RFX3: variants seen among roughly 807,000 people sequenced by gnomAD.
The protein encoded by RFX3 is regulatory factor X3, also known as transcription factor RFX3.
In RFX3, 14 loss-of-function variants were observed where a neutral mutation model predicts 98.6. That is an observed-to-expected ratio of 0.14 (90% CI 0.09 to 0.22). RFX3 has a LOEUF of 0.22. RFX3 is among the 10% of genes least tolerant of loss of function. RFX3 has a pLI of 1.00. For missense variants in RFX3, 639 were observed against 926.9 expected, an observed-to-expected ratio of 0.69 and a Z score of 4.03; for synonymous variants, 383 against 328.4, an observed-to-expected ratio of 1.17 and a Z score of -1.80.
intron 2 of RFX3, among the ~76,000 whole-genome samples, chr9:3,355,461 AAG>A: frequency 6.6e-6 from 1 of 152,052 alleles, no homozygotes; most frequent in East Asian, 1.9e-4. Context: ...ACCAGAGAAA[AAG>A]AGAAATATTT....
At chr9:3,524,287 T>C (rs989734457) in intron 1 of RFX3, among the ~76,000 whole-genome samples, 3 of 152,222 alleles carry the variant, frequency 2.0e-5, no homozygotes, top group Middle Eastern at 3.4e-3. Flanking sequence ...AAGAACCTAC[T>C]ATATAAGGAC....
At chr9:3,330,591 G>C (rs1832476727) in intron 3 of RFX3, 74 bp from the exon 4 acceptor site, 3 of 1,377,146 alleles carry the variant, frequency 2.2e-6, no homozygotes, top group African/African-American at 1.5e-5. Flanking sequence ...TAATATGAAT[G>C]TAATTGAAAT....
rs1554681245 is a variant in RFX3 at position 3,366,699 on chromosome 9, T to TTTCTTTC, written c.118-19942_118-19936dup. Among the ~76,000 whole-genome samples the TTTCTTTC allele has an allele frequency of 3.7e-4, 36 of 98,512 alleles. 1 individual carries two copies. Among genetic ancestry groups the TTTCTTTC allele is most frequent in the Middle Eastern group, 4.2e-3 (1 of 236 alleles). The allele number at this position is 98,512 out of a possible 152,430, so 64.6% of individuals were successfully genotyped here. A position where few individuals can be genotyped will look rare whatever the true frequency, so the allele number is the denominator to read the frequency against. On this transcript the variant is annotated intron_variant, in intron 2 of 16. Coordinates refer to ENST00000617270, the MANE Select transcript of RFX3 (RefSeq NM_001282116.2). Reference sequence around the variant, plus strand: ...CTTTCTTTCTTCTTTCTTTCCTTTCTTTCTTTCTTTCTTTCTTTCTTTCTT... The same window carrying TTTCTTTC: ...CTTTCTTTCTTCTTTCTTTCCTTTCTTTCTTTCTTCTTTCTTTCTTTCTTTCTTTCTT...
At chr9:3,348,036 T>G (rs1450626017) in intron 2 of RFX3, among the ~76,000 whole-genome samples, 1 of 152,166 alleles carries the variant, frequency 6.6e-6, no homozygotes, top group African/African-American at 2.4e-5. Context: ...CAAAGTAAGA[T>G]CCAAACATGG....
At chr9:3,380,923 A>G (rs968649293) in intron 2 of RFX3, among the ~76,000 whole-genome samples, 1 of 152,128 alleles carries the variant, frequency 6.6e-6, no homozygotes, top group African/African-American at 2.4e-5. Flanking sequence ...GCTTCTCTAG[A>G]TCACTTTTTT....
chr9:3,409,433 G>A (rs1397870275), intron 1 of RFX3, among the ~76,000 whole-genome samples: 1 of 152,082 alleles, frequency 6.6e-6, no homozygotes, highest in South Asian at 2.1e-4. Context: ...ATTCTACTGC[G>A]AAATATCAGG....
At chr9:3,336,962 A>C (rs1475712137) in intron 3 of RFX3, among the ~76,000 whole-genome samples, 1 of 152,200 alleles carries the variant, frequency 6.6e-6, no homozygotes, top group African/African-American at 2.4e-5. Flanking sequence ...CAGAGTATGA[A>C]ATGTACGCCT....
At chr9:3,370,050 C>T (rs1249910121) in intron 2 of RFX3, among the ~76,000 whole-genome samples, 1 of 146,236 alleles carries the variant, frequency 6.8e-6, no homozygotes, top group African/African-American at 2.6e-5. Context: ...CCCGTGTTAG[C>T]CAGGATGGTC....
chr9:3,519,336 T>C (rs1443955904), intron 1 of RFX3, among the ~76,000 whole-genome samples: 5 of 152,182 alleles, frequency 3.3e-5, no homozygotes, highest in African/African-American at 7.2e-5. Context: ...GCCTTATTTT[T>C]TAAAGTGGAG....
chr9:3,344,309 G>A (rs971641206), intron 3 of RFX3, among the ~76,000 whole-genome samples: 29 of 152,048 alleles, frequency 1.9e-4, no homozygotes, highest in Admixed American at 8.5e-4. Flanking sequence ...GCAGTGTTTC[G>A]AATTTTTTAT....
chr9:3,461,178 T>A (rs1282430285), intron 1 of RFX3, among the ~76,000 whole-genome samples: 1 of 151,710 alleles, frequency 6.6e-6, no homozygotes, highest in Non-Finnish European at 1.5e-5. Context: ...AGGTTAAAAT[T>A]CTAATATTTT....
intron 1 of RFX3, among the ~76,000 whole-genome samples, chr9:3,450,258 G>A (rs1451905209): frequency 6.6e-6 from 1 of 152,142 alleles, no homozygotes; most frequent in Non-Finnish European, 1.5e-5. Context: ...AAATACCTCA[G>A]ATTAAGAAAA....
chr9:3,417,000 A>G (rs1843041152), intron 1 of RFX3, among the ~76,000 whole-genome samples: 1 of 152,064 alleles, frequency 6.6e-6, no homozygotes, highest in Non-Finnish European at 1.5e-5. Context: ...TGCACTTTAA[A>G]TATGACACAG....
intron 1 of RFX3, among the ~76,000 whole-genome samples, chr9:3,491,338 C>T (rs1006548133): frequency 3.3e-5 from 5 of 152,026 alleles, no homozygotes; most frequent in South Asian, 4.2e-4. Flanking sequence ...CTTGGATTCT[C>T]GAAAAGAATT....
intron 9 of RFX3, among the ~76,000 whole-genome samples, chr9:3,274,790 T>C (rs555446832): frequency 7.2e-4 from 110 of 152,162 alleles, no homozygotes; most frequent in African/African-American, 2.6e-3. Flanking sequence ...CCAGTTTCCT[T>C]CACAAAGGCA....
At chr9:3,340,920 T>G (rs1049812290) in intron 3 of RFX3, among the ~76,000 whole-genome samples, 1 of 152,134 alleles carries the variant, frequency 6.6e-6, no homozygotes, top group Non-Finnish European at 1.5e-5. Flanking sequence ...ACCCAAAGGA[T>G]TATAAATCAT....
intron 1 of RFX3, among the ~76,000 whole-genome samples, chr9:3,401,192 G>A (rs1841443618): frequency 6.6e-6 from 1 of 152,180 alleles, no homozygotes; most frequent in Non-Finnish European, 1.5e-5. Context: ...CATTTTTAGT[G>A]ATTAATTCTG....
chr9:3,489,366 C>T (rs1273552521), intron 1 of RFX3: 2 of 950,974 alleles, frequency 2.1e-6, no homozygotes, highest in East Asian at 1.2e-4. Flanking sequence ...CTGCTTTTTT[C>T]ACCTTTCTGA....
chr9:3,383,829 A>T (rs917445398), intron 2 of RFX3, among the ~76,000 whole-genome samples: 1 of 152,168 alleles, frequency 6.6e-6, no homozygotes, highest in Non-Finnish European at 1.5e-5. Context: ...AACCTGATAA[A>T]TTCTAGAAGA....
Sources: gnomAD v4.1 joint callset for allele counts (sites outside exome capture counted in the v4.1 genomes callset) on GRCh38, gnomAD v4.1.1 for gene constraint, MANE v1.5 for transcripts, NCBI Gene and HGNC (gene_info 2026-07-23, HGNC 2026-07-21) for gene names.